The following RNF169 variants were observed in gnomAD, a reference collection of about 807,000 sequenced individuals.
RNF169 encodes the protein E3 ubiquitin-protein ligase RNF169.
A neutral mutation model predicts 53.9 loss-of-function variants in RNF169; 24 were observed. That is an observed-to-expected ratio of 0.45 (90% confidence interval 0.32 to 0.63). RNF169 has a LOEUF of 0.63. RNF169 is among the 20% of genes least tolerant of loss of function. The probability of loss-of-function intolerance (pLI) is 0.04; values close to 1 mark genes in which losing one functional copy is unlikely to be tolerated. For missense variants in RNF169, 883 were observed against 906.2 expected (o/e 0.97, Z 0.33); for synonymous variants, 396 against 363.5 (o/e 1.09, Z -1.02).
At chr11:74,827,597 G>A (rs1455035167) in intron 4 of RNF169, among the ~76,000 whole-genome samples, 1 of 152,094 alleles carries the variant, frequency 6.6e-6, no homozygotes, top group African/African-American at 2.4e-5. Flanking sequence ...TGTGAATTAT[G>A]GGGATTATAA....
intron 4 of RNF169, among the ~76,000 whole-genome samples, chr11:74,826,032 C>T (rs950229219): frequency 1.3e-5 from 2 of 152,120 alleles, no homozygotes; most frequent in Admixed American, 1.3e-4. Context: ...CCTTATAAAA[C>T]CATAAGATCT....
rs778927571 is a variant in RNF169 at position 74,748,904 on chromosome 11, T to C, written c.24T>C (p.Thr8=). MAAAGPS[T]RASSAAAAAA... is the part of the protein sequence containing the mutation. Reference sequence around the variant, plus strand: ...AGATGGCGGCTGCAGGTCCGAGTACTCGGGCCTCTTCCGCGGCGGCAGCAG... The same window carrying C: ...AGATGGCGGCTGCAGGTCCGAGTACCCGGGCCTCTTCCGCGGCGGCAGCAG... Residue 8 remains threonine (T), a synonymous_variant, in exon 1 of 6, where the codon ACT becomes ACC. Transcript: ENST00000299563. 3 of 1,441,840 alleles carry C rather than the reference T, an allele frequency of 2.1e-6. No homozygotes were observed. Among genetic ancestry groups the C allele is most frequent in the South Asian group, 2.8e-5 (2 of 72,432 alleles). 89.3% of individuals were successfully genotyped at this position (1,441,840 alleles called of 1,614,324 possible). A position where few individuals can be genotyped will look rare whatever the true frequency, so the allele number is the denominator to read the frequency against.
intron 2 of RNF169, among the ~76,000 whole-genome samples, chr11:74,795,040 A>G (rs1565179115): frequency 6.6e-6 from 1 of 152,096 alleles, no homozygotes; most frequent in Non-Finnish European, 1.5e-5. Context: ...TGCTGGGCTC[A>G]AACAATCCTC....
intron 1 of RNF169, among the ~76,000 whole-genome samples, chr11:74,775,469 A>T (rs2035319640): frequency 6.6e-6 from 1 of 151,392 alleles, no homozygotes; most frequent in Non-Finnish European, 1.5e-5. Flanking sequence ...GTATTTAGAG[A>T]CCATGATTAC....
In RNF169 at chr11:74,748,993, C is replaced by A; in HGVS notation, c.113C>A (p.Ala38Asp). The A allele has an allele frequency of 2.0e-6, 3 of 1,497,948 alleles. No individual in the cohort carries two copies. The highest frequency in any genetic ancestry group is 2.8e-5 in the East Asian group (1 of 35,638). The allele number at this position is 1,497,948 out of a possible 1,614,324, so 92.8% of individuals were successfully genotyped here. A position where few individuals can be genotyped will look rare whatever the true frequency, so the allele number is the denominator to read the frequency against. ...GAGACGGCGGCAGCTAAGACTGGGG[C>A]CCCAGGCCCGGCTTCTGGACCTTCG... ...CDETAAAKTGAPGPASGPSLL... is the reference protein window; with the variant it reads ...CDETAAAKTGDPGPASGPSLL... The change falls in exon 1 of 6, where the codon GCC (alanine) becomes GAC (aspartate). Residue 38 changes from alanine (A) to aspartate (D), a missense_variant. By Grantham distance (126) the Ala-to-Asp change is moderately radical. Coordinates refer to ENST00000299563, the MANE Select transcript of RNF169 (RefSeq NM_001098638.2).
At chr11:74,823,534 G>C (rs977901016) in intron 4 of RNF169, among the ~76,000 whole-genome samples, 2 of 152,086 alleles carry the variant, frequency 1.3e-5, no homozygotes, top group African/African-American at 4.8e-5. Context: ...TCTGGAGTTT[G>C]AGACTAGTGT....
chr11:74,830,742 C>T (rs1194247797), intron 4 of RNF169: 1 of 152,096 alleles, frequency 6.6e-6, no homozygotes, highest in African/African-American at 2.4e-5. Flanking sequence ...GCCAAGATCT[C>T]TTCGGAATAT....
At chr11:74,807,321 G>A (rs537245278) in intron 2 of RNF169, among the ~76,000 whole-genome samples, 1 of 151,994 alleles carries the variant, frequency 6.6e-6, no homozygotes, top group Non-Finnish European at 1.5e-5. Context: ...TTTCACCTCA[G>A]ACTGTCAGTC....
chr11:74,750,389 G>GT (rs1052147704), intron 1 of RNF169, among the ~76,000 whole-genome samples: 5 of 151,984 alleles, frequency 3.3e-5, no homozygotes, highest in South Asian at 2.1e-4. Flanking sequence ...TCTGCCATGT[G>GT]TTTTTTTGGG....
intron 2 of RNF169, among the ~76,000 whole-genome samples, chr11:74,792,497 GTT>G: frequency 6.6e-6 from 1 of 152,288 alleles, no homozygotes; most frequent in South Asian, 2.1e-4. Flanking sequence ...TGCCTCCTAG[GTT>G]CAAGTGATTC....
intron 4 of RNF169, among the ~76,000 whole-genome samples, chr11:74,825,567 G>A (rs987665714): frequency 1.3e-5 from 2 of 152,086 alleles, no homozygotes; most frequent in African/African-American, 2.4e-5. Context: ...TTCTACCACA[G>A]GGACGATGAT....
chr11:74,760,434 T>C (rs2035063223), intron 1 of RNF169, among the ~76,000 whole-genome samples: 1 of 152,180 alleles, frequency 6.6e-6, no homozygotes, highest in Non-Finnish European at 1.5e-5. Context: ...TCCTGCTTTC[T>C]CTTGTGGGCA....
chr11:74,824,747 T>C lies in RNF169; in HGVS notation c.842+7033T>C, dbSNP rs185139534. 2.0e-5 allele frequency among the ~76,000 whole-genome samples: 3 copies of C among 152,340 alleles called. No homozygotes were observed. In the East Asian group the frequency reaches 5.8e-4, roughly 29 times the overall value. ...CTGATAGACTTGCTTGATACAGGGT[T>C]GCCATGAATCTTTAGTTTGTAAAAA... is the stretch of plus-strand genomic sequence containing the variant. On this transcript the variant is annotated intron_variant, in intron 4 of 5. Coordinates refer to ENST00000299563, the MANE Select transcript of RNF169 (RefSeq NM_001098638.2).
Position 74,836,536 on chromosome 11 carries a change from G to T in RNF169, c.1933G>T (p.Gly645Trp), listed in dbSNP as rs371927693. 1 of 1,614,160 alleles carries T rather than the reference G, an allele frequency of 6.2e-7. No homozygotes were observed. The change falls in exon 6 of 6, where the codon GGG becomes TGG. Residue 645 changes from glycine to tryptophan, a missense_variant. Physicochemically the swap from Gly to Trp is radical, Grantham distance 184. Coordinates refer to ENST00000299563, the MANE Select transcript of RNF169 (RefSeq NM_001098638.2). ...CCTTAAAAAACTGCGACAAACCAGTGGGGAGGTGGGTCTGGCCCCAACAGA... is the reference window on the plus strand; with the variant it reads ...CCTTAAAAAACTGCGACAAACCAGTTGGGAGGTGGGTCTGGCCCCAACAGA... ...GSLKKLRQTS[G>W]EVGLAPTDPV...
intron 1 of RNF169, among the ~76,000 whole-genome samples, chr11:74,785,219 AT>A (rs2035478319): frequency 1.7e-5 from 2 of 115,872 alleles, no homozygotes; most frequent in Non-Finnish European, 3.3e-5. Flanking sequence ...TGATATATAT[AT>A]GTTATATATA....
chr11:74,836,343 CAG>C lies in RNF169; in HGVS notation c.1741_1742del (p.Ser581CysfsTer19). 1 of 1,614,204 alleles carries C rather than the reference CAG, an allele frequency of 6.2e-7. No individual in the cohort carries two copies. Among genetic ancestry groups the C allele is most frequent in the Non-Finnish European group, 8.5e-7 (1 of 1,180,042 alleles). The part of the protein sequence containing the change: ...TTVNSVLPQN[S>X]VLGGVLKTKQ... ...CAGTTAATTCAGTGCTACCCCAAAA[CAG>C]TGTTTTGGGTGGAGTCCTCAAAACA... On this transcript the variant is annotated frameshift_variant, in exon 6 of 6. Coordinates refer to ENST00000299563, the MANE Select transcript of RNF169 (RefSeq NM_001098638.2). LOFTEE classifies it high-confidence loss of function.
At chr11:74,826,527 T>C (rs1439960259) in intron 4 of RNF169, among the ~76,000 whole-genome samples, 2 of 152,116 alleles carry the variant, frequency 1.3e-5, no homozygotes, top group Non-Finnish European at 2.9e-5. Context: ...CCCTCCCAAA[T>C]ATCATGTCCT....
intron 1 of RNF169, among the ~76,000 whole-genome samples, chr11:74,750,649 G>GT (rs922355185): frequency 7.7e-6 from 1 of 129,950 alleles, no homozygotes; most frequent in Admixed American, 8.7e-5. Flanking sequence ...CCGGGCTGGA[G>GT]TGTAATGGTG....
intron 4 of RNF169, among the ~76,000 whole-genome samples, chr11:74,818,275 GGAAGGGAAGCAAAGAAGAAATGGAGGAAA>G (rs2035964769): frequency 6.6e-6 from 1 of 152,118 alleles, no homozygotes; most frequent in African/African-American, 2.4e-5. Context: ...ATAGGAGGAA[GGAAGGGAAGCAAAGAAGAAATGGAGGAAA>G]GAAGGAGGAC....
Sources: allele counts gnomAD v4.1 joint callset (sites outside exome capture counted in the v4.1 genomes callset), GRCh38; gene constraint gnomAD v4.1.1; transcripts MANE v1.5; gene names NCBI Gene and HGNC (gene_info 2026-07-23, HGNC 2026-07-21).